NKAP: variants seen among roughly 807,000 people sequenced by gnomAD.
NKAP encodes the protein NFKB activating protein.
Under a neutral mutation model 35.6 loss-of-function variants are expected in NKAP, and 4 were observed. The ratio of observed to expected loss-of-function variants is 0.11; its 90% CI spans 0.06 to 0.26. The LOEUF is 0.26. Among genes scored for constraint, NKAP ranks in the 10% least tolerant of loss-of-function variants. The probability of loss-of-function intolerance (pLI) is 1.00; values close to 1 mark genes in which losing one functional copy is unlikely to be tolerated. For synonymous variants in NKAP, 106 were observed against 119.2 expected (o/e 0.89, Z 0.72); for missense variants, 238 against 321.9 (o/e 0.74, Z 1.99).
At chrX:119,926,025 C>T (rs1296507456) in intron 8 of NKAP, among the ~76,000 whole-genome samples, 25 of 86,662 alleles carry the variant, frequency 2.9e-4, no homozygotes, top group African/African-American at 1.1e-3. Context: ...GGCGCAATCT[C>T]GGCTCACTGC....
rs907348287 is a variant in NKAP, at chrX:119,922,279, C to T, written c.*2941G>A. ...ACAGATTTATTAGGCTAGGCAGCAA[C>T]TACAATTAGGTATAAATAAACAGAA... On this transcript the variant is annotated 3_prime_UTR_variant, in exon 9 of 9. Coordinates refer to ENST00000371410, the MANE Select transcript of NKAP (RefSeq NM_024528.4). 2.7e-5 allele frequency: 3 copies of T among 112,229 alleles called. No homozygotes were observed. Among genetic ancestry groups the T allele is most frequent in the Non-Finnish European group, 5.6e-5 (3 of 53,332 alleles). The allele number at this position is 112,229 out of a possible 1,213,427, so 9.2% of individuals were successfully genotyped here. A position where few individuals can be genotyped will look rare whatever the true frequency, so the allele number is the denominator to read the frequency against.
In NKAP at chrX:119,923,494, T is replaced by C. The variant is rs974197659; in HGVS notation, c.*1726A>G. 8.9e-6 allele frequency: 1 copy of C among 112,456 alleles called. No individual in the cohort carries two copies. The highest frequency in any genetic ancestry group is 1.9e-5 in the Non-Finnish European group (1 of 53,324). The allele number at this position is 112,456 out of a possible 1,213,427, so 9.3% of individuals were successfully genotyped here. A position where few individuals can be genotyped will look rare whatever the true frequency, so the allele number is the denominator to read the frequency against. ...ACAATTAAGCTAAAATACTGACTCA[T>C]TATATTTTTCCTTATCAAAACTCTT... On this transcript the variant is annotated 3_prime_UTR_variant, in exon 9 of 9. Transcript: ENST00000371410.
chrX:119,932,398 C>T (rs2056746050), intron 5 of NKAP, 182 bp from the exon 6 acceptor site: 1 of 337,732 alleles, frequency 3.0e-6, no homozygotes, highest in East Asian at 4.9e-5. Context: ...GATAATTTTA[C>T]TTAAAAAAAT....
intron 4 of NKAP, among the ~76,000 whole-genome samples, chrX:119,936,006 C>T (rs1183803386): frequency 9.0e-6 from 1 of 111,702 alleles, no homozygotes; most frequent in Non-Finnish European, 1.9e-5. Flanking sequence ...CAATCCCAAT[C>T]CGGAGTCAGA....
chrX:119,934,827 C>A (rs976876957), intron 4 of NKAP, among the ~76,000 whole-genome samples: 1 of 110,600 alleles, frequency 9.0e-6, no homozygotes, highest in East Asian at 2.8e-4. Context: ...CCTCTTTTTA[C>A]GGGATGCATA....
chrX:119,929,222 T>G (rs1452902038), intron 8 of NKAP, among the ~76,000 whole-genome samples: 3 of 112,126 alleles, frequency 2.7e-5, no homozygotes, highest in African/African-American at 9.7e-5. Context: ...GTGTCTCTAA[T>G]TTCTTTTTCT....
rs2056803042 is a variant in NKAP at position 119,943,365 on chromosome X, T to C, written c.241A>G (p.Arg81Gly). The C allele has an allele frequency of 8.3e-7, 1 of 1,212,084 alleles. No homozygotes were observed. The highest frequency in any genetic ancestry group is 1.7e-5 in the African/African-American group (1 of 58,050). Residue 81 changes from arginine to glycine, a missense_variant, in exon 1 of 9, where the codon AGA (arginine) becomes GGA (glycine). Arg to Gly is a moderately radical substitution (Grantham distance 125, BLOSUM62 -2). Coordinates refer to ENST00000371410, the MANE Select transcript of NKAP (RefSeq NM_024528.4). Reference protein sequence around the residue: ...SYRSRSRSRSRERPSAPRGIP... With the variant: ...SYRSRSRSRSGERPSAPRGIP... ...CCCCGGGGCGCAGAGGGCCGCTCTC[T>C]AGAACGCGACCGCGAGCGTGAGCGG...
intron 1 of NKAP, among the ~76,000 whole-genome samples, chrX:119,940,367 A>T (rs930924374): frequency 9.2e-6 from 1 of 108,834 alleles, no homozygotes; most frequent in South Asian, 3.9e-4. Context: ...AAAAAAAAAA[A>T]AAAAAACTAT....
intron 8 of NKAP, among the ~76,000 whole-genome samples, chrX:119,925,947 A>ATTTTT (rs1238211722): frequency 2.1e-4 from 11 of 52,386 alleles, no homozygotes; most frequent in African/African-American, 5.7e-4. Context: ...TTTTTTTTTA[A>ATTTTT]TTTTTTTTTT....
chrX:119,943,250 T>C lies in NKAP; in HGVS notation c.356A>G (p.Asp119Gly). 8.3e-7 allele frequency: 1 copy of C among 1,198,647 alleles called. No homozygotes were observed. Among genetic ancestry groups the C allele is most frequent in the Non-Finnish European group, 1.1e-6 (1 of 887,882 alleles). Residue 119 changes from aspartate to glycine, a missense_variant, in exon 1 of 9, where the codon GAC (aspartate) becomes GGC (glycine). Coordinates refer to ENST00000371410, the MANE Select transcript of NKAP (RefSeq NM_024528.4). ...CCGCAGGCTCTCCTCCCTCTCCTTG[T>C]CGAGGAGGCTAGGCCAAGGCTTGTC... ...GSDKPWPSLL[D>G]KEREESLRQK... is the part of the protein sequence containing the mutation.
rs2056695169 is a variant in NKAP at position 119,923,192 on chromosome X, CAG to C, written c.*2026_*2027del. On this transcript the variant is annotated 3_prime_UTR_variant, in exon 9 of 9. Coordinates refer to ENST00000371410, the MANE Select transcript of NKAP (RefSeq NM_024528.4). ...CACCACTGGGCTCCAGCCTGAGTGA[CAG>C]AGTGAGACTCTATCTCAAAAAACAA... 1 of 111,607 alleles carries C rather than the reference CAG, an allele frequency of 9.0e-6. No homozygotes were observed. Among genetic ancestry groups the C allele is most frequent in the Non-Finnish European group, 1.9e-5 (1 of 53,151 alleles). The allele number at this position is 111,607 out of a possible 1,213,427, so 9.2% of individuals were successfully genotyped here.
intron 1 of NKAP, chrX:119,942,731 A>C: frequency 8.8e-6 from 1 of 114,018 alleles, no homozygotes; most frequent in Non-Finnish European, 1.9e-5. Context: ...ATTCCCCACA[A>C]AACGTTTCTA....
Position 119,943,280 on chromosome X carries a change from C to G in NKAP, c.326G>C (p.Gly109Ala). ...VYYGSYSRPYGSDKPWPSLLD... is the reference protein window; with the variant it reads ...VYYGSYSRPYASDKPWPSLLD... ...GAGGCTAGGCCAAGGCTTGTCGCTCCCGTAGGGGCGCGAGTAGCTGCCGTA... is the reference window on the plus strand; with the variant it reads ...GAGGCTAGGCCAAGGCTTGTCGCTCGCGTAGGGGCGCGAGTAGCTGCCGTA... The change falls in exon 1 of 9, where the codon GGG becomes GCG. Residue 109 changes from glycine to alanine, a missense_variant. This residue lies in a region of NKAP where 123 missense variants were observed against 115.3 expected (regional missense o/e 1.07). Transcript: ENST00000371410. 8.3e-7 allele frequency: 1 copy of G among 1,210,743 alleles called. No homozygotes were observed. The highest frequency in any genetic ancestry group is 1.1e-6 in the Non-Finnish European group (1 of 894,883).
intron 1 of NKAP, among the ~76,000 whole-genome samples, chrX:119,941,821 G>A (rs1456869819): frequency 9.0e-6 from 1 of 111,240 alleles, no homozygotes; most frequent in Non-Finnish European, 1.9e-5. Flanking sequence ...TAGAGACAGG[G>A]TATCCCTATA....
Position 119,930,093 on chromosome X carries a change from T to C in NKAP, c.996A>G (p.Pro332=). 8.3e-7 allele frequency: 1 copy of C among 1,210,571 alleles called. No individual in the cohort carries two copies. The highest frequency in any genetic ancestry group is 1.1e-6 in the Non-Finnish European group (1 of 894,912). Residue 332 remains proline, a synonymous_variant, in exon 8 of 9, where the codon CCA becomes CCG. Coordinates refer to ENST00000371410, the MANE Select transcript of NKAP (RefSeq NM_024528.4). ...TTGTCAAGCCAATTTCACCTCTTCG[T>C]GGGATACGTTTTCCAGCTTTTACAT... is the stretch of plus-strand genomic sequence containing the variant. ...AEYVKAGKRI[P]RRGEIGLTSE...
At chrX:119,942,688 TCCA>T (rs1473008644) in intron 1 of NKAP, 1 of 111,491 alleles carries the variant, frequency 9.0e-6, no homozygotes, top group Non-Finnish European at 1.9e-5. Context: ...TTATTTCCTC[TCCA>T]ACTTAAACCC....
intron 8 of NKAP, 65 bp from the exon 9 acceptor site, chrX:119,925,459 T>C: frequency 6.4e-6 from 7 of 1,089,887 alleles, no homozygotes; most frequent in Non-Finnish European, 8.6e-6. Flanking sequence ...TCATCATTAA[T>C]CCTTTCTTAC....
intron 1 of NKAP, 108 bp downstream of exon 1, chrX:119,943,112 G>A (rs1330484351): frequency 2.2e-5 from 22 of 998,926 alleles, no homozygotes; most frequent in Non-Finnish European, 2.8e-5. Context: ...ATGGGCGCAA[G>A]GCAAGCAGAG....
At position 119,923,680 on chromosome X, in the gene NKAP, C is replaced by A. The variant is rs190828977; in HGVS notation, c.*1540G>T. On this transcript the variant is annotated 3_prime_UTR_variant, in exon 9 of 9. Transcript: ENST00000371410. ...TAACTTATTAAGAATTTAGGCTGGA[C>A]GCAGTGGCTCATGCCTGTAATCCCA... 8.9e-6 allele frequency: 1 copy of A among 112,395 alleles called. No individual in the cohort carries two copies. The highest frequency in any genetic ancestry group is 9.4e-5 in the Admixed American group (1 of 10,587). 9.3% of individuals were successfully genotyped at this position (112,395 alleles called of 1,213,427 possible). A position where few individuals can be genotyped will look rare whatever the true frequency, so the allele number is the denominator to read the frequency against.
Sources: allele counts gnomAD v4.1 joint callset (sites outside exome capture counted in the v4.1 genomes callset), GRCh38; gene constraint gnomAD v4.1.1; regional missense constraint gnomAD v4.1.1; transcripts MANE v1.5; gene names NCBI Gene and HGNC (gene_info 2026-07-23, HGNC 2026-07-21).